The following LINS1 variants were observed in gnomAD, a reference collection of about 807,000 sequenced individuals.
The protein encoded by LINS1 is lines homolog 1, also known as protein Lines homolog 1.
Under a neutral mutation model 41.6 loss-of-function variants are expected in LINS1, and 27 were observed. The observed-to-expected ratio is 0.65, with a 90% CI of 0.48 to 0.89. The LOEUF is 0.89. Among genes scored for constraint, LINS1 ranks in the 40% least tolerant of loss-of-function variants. The pLI, the probability that LINS1 is intolerant of heterozygous loss-of-function variation, is 0.00. For missense variants in LINS1, 955 were observed against 884.1 expected, an observed-to-expected ratio of 1.08 and a Z score of -1.02; for synonymous variants, 336 against 312.9, an observed-to-expected ratio of 1.07 and a Z score of -0.78.
chr15:100,571,275 A>C (rs2037809082), intron 6 of LINS1, among the ~76,000 whole-genome samples: 1 of 152,206 alleles, frequency 6.6e-6, no homozygotes, highest in Non-Finnish European at 1.5e-5. Flanking sequence ...TGAGGGTTTT[A>C]ATAAAGCAGA....
At chr15:100,581,645 A>C (rs1336571316) in intron 1 of LINS1, among the ~76,000 whole-genome samples, 1 of 152,230 alleles carries the variant, frequency 6.6e-6, no homozygotes, top group Non-Finnish European at 1.5e-5. Flanking sequence ...ATTACTGAAT[A>C]TCATGACAAT....
In LINS1 at chr15:100,569,680, G is replaced by C; in HGVS notation, c.1832C>G (p.Thr611Ser). The change falls in exon 7 of 7, where the codon ACC (threonine) becomes AGC (serine). Residue 611 changes from threonine (T) to serine (S), a missense_variant. Coordinates refer to ENST00000314742, the MANE Select transcript of LINS1 (RefSeq NM_001040616.3). Reference protein sequence around the residue: ...LKAVMSKGAHTMCASSLSSPR... With the variant: ...LKAVMSKGAHSMCASSLSSPR... Reference sequence around the variant, plus strand: ...GGAAGACAGACTAGAAGCACACATGGTGTGAGCCCCCTTGGACATCACAGC... The same window carrying C: ...GGAAGACAGACTAGAAGCACACATGCTGTGAGCCCCCTTGGACATCACAGC... 6.2e-7 allele frequency: 1 copy of C among 1,613,886 alleles called. No individual in the cohort carries two copies. The highest frequency in any genetic ancestry group is 1.3e-5 in the African/African-American group (1 of 75,028).
intron 1 of LINS1, among the ~76,000 whole-genome samples, chr15:100,601,045 C>T (rs115287691): frequency 0.011 from 1,627 of 152,328 alleles, 31 homozygotes; most frequent in African/African-American, 0.037. Flanking sequence ...TTCCTGTAAA[C>T]AGCAAAGCAT....
In LINS1 at chr15:100,568,300, T is replaced by A. The variant is rs2037627644; in HGVS notation, c.*938A>T. On this transcript the variant is annotated 3_prime_UTR_variant, in exon 7 of 7. Transcript: ENST00000314742. The stretch of plus-strand genomic sequence containing the variant: ...AACTGTATTTGGTTAGTGACTCTCC[T>A]GGATTCAAGTCCATCAAGGACACAT... 6.6e-6 allele frequency: 1 copy of A among 152,230 alleles called. No individual in the cohort carries two copies. The highest frequency in any genetic ancestry group is 1.5e-5 in the Non-Finnish European group (1 of 68,050). The allele number at this position is 152,230 out of a possible 1,614,324, so 9.4% of individuals were successfully genotyped here. A position where few individuals can be genotyped will look rare whatever the true frequency, so the allele number is the denominator to read the frequency against.
intron 1 of LINS1, among the ~76,000 whole-genome samples, chr15:100,594,772 A>C (rs1596967569): frequency 6.6e-6 from 1 of 152,172 alleles, no homozygotes; most frequent in South Asian, 2.1e-4. Context: ...GGCAGCCAGC[A>C]CCCCATCCTG....
At chr15:100,574,836 G>T (rs1411510661) in intron 4 of LINS1, 151 bp downstream of exon 4, 1 of 802,588 alleles carries the variant, frequency 1.2e-6, no homozygotes, top group African/African-American at 1.7e-5. Flanking sequence ...TTTAAAACAG[G>T]TTATCCTCAA....
chr15:100,578,788 A>G (rs1472581862), intron 3 of LINS1, among the ~76,000 whole-genome samples: 1 of 152,186 alleles, frequency 6.6e-6, no homozygotes, highest in African/African-American at 2.4e-5. Context: ...ATGTCCAACA[A>G]TGATAGACTG....
At chr15:100,601,691 C>A (rs3794503) in intron 1 of LINS1, among the ~76,000 whole-genome samples, 22,790 of 151,924 alleles carry the variant, frequency 0.15, 1,933 homozygotes, top group Admixed American at 0.27. Flanking sequence ...ACTGTTGTCT[C>A]CCCAGGGACT....
Position 100,573,850 on chromosome 15 carries a change from A to G in LINS1, c.1023T>C (p.Val341=). 6.2e-7 allele frequency: 1 copy of G among 1,614,250 alleles called. No homozygotes were observed. ...ACAACCCCGAATTCACAGCTTGCAAAACAGCATTAGCTAAAGCCAGCATGT... is the reference window on the plus strand; with the variant it reads ...ACAACCCCGAATTCACAGCTTGCAAGACAGCATTAGCTAAAGCCAGCATGT... ...AVDMLALANA[V]LQAVNSGLLK... The change falls in exon 5 of 7, where the codon GTT becomes GTC. Residue 341 remains valine (V), a synonymous_variant. Transcript: ENST00000314742.
intron 3 of LINS1, among the ~76,000 whole-genome samples, chr15:100,576,403 G>A (rs1039974499): frequency 6.6e-6 from 1 of 152,218 alleles, no homozygotes; most frequent in African/African-American, 2.4e-5. Context: ...ATACCTCTAT[G>A]CAAATAAAGT....
intron 4 of LINS1, 134 bp downstream of exon 4, chr15:100,574,853 T>G (rs749975452): frequency 2.7e-5 from 25 of 942,566 alleles, no homozygotes; most frequent in Non-Finnish European, 3.9e-5. Context: ...TCAATCAAAA[T>G]ATATTGGAAG....
chr15:100,579,364 C>T (rs1425532686), intron 3 of LINS1, among the ~76,000 whole-genome samples: 3 of 148,886 alleles, frequency 2.0e-5, no homozygotes, highest in East Asian at 2.0e-4. Flanking sequence ...GACTGTGGCC[C>T]CTTTACTTCA....
intron 3 of LINS1, among the ~76,000 whole-genome samples, chr15:100,578,744 T>G (rs1283307398): frequency 6.6e-6 from 1 of 152,196 alleles, no homozygotes; most frequent in South Asian, 2.1e-4. Flanking sequence ...ATTGTGGCAC[T>G]ACTCACAATA....
intron 4 of LINS1, among the ~76,000 whole-genome samples, chr15:100,574,748 G>A (rs566903519): frequency 3.3e-5 from 5 of 152,234 alleles, no homozygotes; most frequent in South Asian, 2.1e-4. Context: ...TTCATTTTAC[G>A]AATATCAGTA....
At position 100,571,560 on chromosome 15, in the gene LINS1, T is replaced by C. The variant is rs553162940; in HGVS notation, c.1394+334A>G. Among the ~76,000 whole-genome samples the C allele has an allele frequency of 8.9e-4, 135 of 152,268 alleles. 1 individual carries two copies. Among genetic ancestry groups the C allele is most frequent in the South Asian group, 1.7e-3 (8 of 4,822 alleles). ...CAAAGATCATCTTACTGAAGCTTAATACAAAAAAGTAAGTCTTAGGGGTGA... is the reference window on the plus strand; with the variant it reads ...CAAAGATCATCTTACTGAAGCTTAACACAAAAAAGTAAGTCTTAGGGGTGA... On this transcript the variant is annotated intron_variant, in intron 6 of 6. Transcript: ENST00000314742.
Position 100,569,595 on chromosome 15 carries a change from G to A in LINS1, c.1917C>T (p.Ser639=), listed in dbSNP as rs776964566. The A allele has an allele frequency of 1.2e-6, 2 of 1,613,664 alleles. No homozygotes were observed. The part of the protein sequence containing the change: ...YDSSDDSDVE[S]TEQCLANSKQ... ...TACTGTTAGCTAAACACTGCTCTGT[G>A]GATTCCACGTCAGAATCGTCAGAGC... The change falls in exon 7 of 7, where the codon TCC becomes TCT. Residue 639 remains serine, a synonymous_variant. Coordinates refer to ENST00000314742, the MANE Select transcript of LINS1 (RefSeq NM_001040616.3).
intron 3 of LINS1, among the ~76,000 whole-genome samples, chr15:100,575,624 A>G (rs1440196081): frequency 6.6e-6 from 1 of 152,212 alleles, no homozygotes; most frequent in Admixed American, 6.5e-5. Flanking sequence ...ACGAGACAGA[A>G]AGTTAACAAG....
chr15:100,573,640 T>G lies in LINS1; in HGVS notation c.1222+11A>C. The G allele has an allele frequency of 6.7e-7, 1 of 1,498,806 alleles. No homozygotes were observed. Among genetic ancestry groups the G allele is most frequent in the Non-Finnish European group, 9.3e-7 (1 of 1,077,612 alleles). 92.8% of individuals were successfully genotyped at this position (1,498,806 alleles called of 1,614,324 possible). ...TTACACACTGCATACAAAAGGAGTT[T>G]GGAGAATTACCTTTCACTTCACTTG... On this transcript the variant is annotated intron_variant, in intron 5 of 6. Coordinates refer to ENST00000314742, the MANE Select transcript of LINS1 (RefSeq NM_001040616.3).
intron 3 of LINS1, among the ~76,000 whole-genome samples, chr15:100,579,032 G>C (rs2038364806): frequency 6.6e-6 from 1 of 152,090 alleles, no homozygotes; most frequent in Admixed American, 6.6e-5. Context: ...TTGTGGGGTA[G>C]GGGGAGGGGG....
Sources: allele counts gnomAD v4.1 joint callset (sites outside exome capture counted in the v4.1 genomes callset), GRCh38; gene constraint gnomAD v4.1.1; transcripts MANE v1.5; gene names NCBI Gene and HGNC (gene_info 2026-07-23, HGNC 2026-07-21).